MIPOL1: variants seen among roughly 807,000 people sequenced by gnomAD.
The protein encoded by MIPOL1 is mirror-image polydactyly 1.
MIPOL1 carries 57 observed loss-of-function variants against 60.9 expected under a neutral mutation model. The observed-to-expected ratio is 0.94, with a 90% CI of 0.76 to 1.17. The LOEUF is 1.17. MIPOL1 is among the 50% of genes most tolerant of loss of function. The probability of loss-of-function intolerance (pLI) is 0.00; values close to 1 mark genes in which losing one functional copy is unlikely to be tolerated. For synonymous variants in MIPOL1, 179 were observed against 168.8 expected (o/e 1.06, Z -0.47); for missense variants, 551 against 511.6 (o/e 1.08, Z -0.74).
intron 11 of MIPOL1, among the ~76,000 whole-genome samples, chr14:37,485,218 T>C (rs890785785): frequency 1.3e-5 from 2 of 152,228 alleles, no homozygotes; most frequent in Admixed American, 1.3e-4. Context: ...ACATTTTCTT[T>C]ATCCAGTCTA....
chr14:37,237,320 G>T (rs944418792), intron 1 of MIPOL1, among the ~76,000 whole-genome samples: 2 of 152,200 alleles, frequency 1.3e-5, no homozygotes, highest in Non-Finnish European at 1.5e-5. Context: ...TAGAGGGAGG[G>T]AACTGCTTCA....
chr14:37,480,645 A>C (rs538613919), intron 11 of MIPOL1, among the ~76,000 whole-genome samples: 82 of 152,292 alleles, frequency 5.4e-4, no homozygotes, highest in African/African-American at 1.9e-3. Context: ...AAGATCTGGG[A>C]TCAGACAAGG....
downstream of MIPOL1, chr14:37,551,653 A>G (rs2095561854): frequency 6.6e-6 from 1 of 151,838 alleles, no homozygotes; most frequent in Admixed American, 6.6e-5. Context: ...CGGGCGGATC[A>G]CAAGGTCAGG....
chr14:37,439,245 T>A (rs2094206329), intron 11 of MIPOL1, among the ~76,000 whole-genome samples: 1 of 152,178 alleles, frequency 6.6e-6, no homozygotes, highest in East Asian at 1.9e-4. Flanking sequence ...TTCACAAGAT[T>A]TTATGGAATA....
chr14:37,248,638 A>G (rs146242024), intron 3 of MIPOL1, among the ~76,000 whole-genome samples: 4 of 152,016 alleles, frequency 2.6e-5, no homozygotes, highest in Non-Finnish European at 2.9e-5. Context: ...ATATCTATAT[A>G]TATATCTCTC....
intron 11 of MIPOL1, among the ~76,000 whole-genome samples, chr14:37,498,829 T>G (rs1396525917): frequency 6.6e-6 from 1 of 152,110 alleles, no homozygotes; most frequent in African/African-American, 2.4e-5. Flanking sequence ...CTGTAAAGGC[T>G]TATAGATAAC....
intron 7 of MIPOL1, among the ~76,000 whole-genome samples, chr14:37,296,803 G>A (rs1310882433): frequency 6.6e-6 from 1 of 152,122 alleles, no homozygotes; most frequent in Non-Finnish European, 1.5e-5. Context: ...TGAAATTGAG[G>A]CAATAATTAA....
At chr14:37,504,959 A>T (rs2095261285) in intron 12 of MIPOL1, 1 of 152,218 alleles carries the variant, frequency 6.6e-6, no homozygotes, top group African/African-American at 2.4e-5. Context: ...CTACCATCAG[A>T]TAATACTATA....
chr14:37,293,476 C>T (rs2085294182), intron 7 of MIPOL1, among the ~76,000 whole-genome samples: 1 of 152,086 alleles, frequency 6.6e-6, no homozygotes, highest in Admixed American at 6.6e-5. Flanking sequence ...ACAGTGGGTG[C>T]AGTGCACTGT....
chr14:37,490,789 A>G (rs1373023305), intron 11 of MIPOL1, among the ~76,000 whole-genome samples: 1 of 152,152 alleles, frequency 6.6e-6, no homozygotes, highest in Non-Finnish European at 1.5e-5. Context: ...CCCACTGTCC[A>G]GTCAGTCCCA....
At chr14:37,302,484 A>G (rs1166367303) in intron 7 of MIPOL1, among the ~76,000 whole-genome samples, 1 of 151,518 alleles carries the variant, frequency 6.6e-6, no homozygotes, top group African/African-American at 2.4e-5. Context: ...AGAGTTGTTT[A>G]TATTCTGGAT....
At chr14:37,538,381 T>G (rs1399778910) in intron 12 of MIPOL1, among the ~76,000 whole-genome samples, 1 of 152,200 alleles carries the variant, frequency 6.6e-6, no homozygotes, top group Non-Finnish European at 1.5e-5. Flanking sequence ...TCTCTATACT[T>G]TATCTTTGGT....
At chr14:37,517,946 C>A (rs2153629035) in intron 12 of MIPOL1, among the ~76,000 whole-genome samples, 1 of 152,110 alleles carries the variant, frequency 6.6e-6, no homozygotes, top group African/African-American at 2.4e-5. Flanking sequence ...CCATGTAAAT[C>A]TTTTACATAT....
At chr14:37,316,110 T>C (rs2087860758) in intron 9 of MIPOL1, among the ~76,000 whole-genome samples, 2 of 151,694 alleles carry the variant, frequency 1.3e-5, no homozygotes, top group Admixed American at 1.3e-4. Flanking sequence ...CACCGCAACC[T>C]CTCCCTCCTG....
chr14:37,524,590 T>G (rs1224576811), intron 12 of MIPOL1, among the ~76,000 whole-genome samples: 1 of 123,410 alleles, frequency 8.1e-6, no homozygotes, highest in Non-Finnish European at 1.6e-5. Context: ...TTTTTTGAGA[T>G]GGAGTCTCAT....
At chr14:37,545,697 CTT>C in intron 12 of MIPOL1, 1 of 652,102 alleles carries the variant, frequency 1.5e-6, no homozygotes, top group South Asian at 1.7e-5. Context: ...ATCCAATAAA[CTT>C]CAGCTAGTTT....
intron 11 of MIPOL1, among the ~76,000 whole-genome samples, chr14:37,481,871 A>G (rs1312204216): frequency 6.6e-6 from 1 of 152,126 alleles, no homozygotes; most frequent in Non-Finnish European, 1.5e-5. Flanking sequence ...TGCTTAGAAA[A>G]CTTGATATTT....
At chr14:37,386,523 A>G (rs1268425420) in intron 10 of MIPOL1, among the ~76,000 whole-genome samples, 1 of 151,952 alleles carries the variant, frequency 6.6e-6, no homozygotes, top group Admixed American at 6.6e-5. Flanking sequence ...CCTTTTGAGA[A>G]GCCAATGCAA....
At position 37,351,359 on chromosome 14, in the gene MIPOL1, C is replaced by T. The variant is rs753177981; in HGVS notation, c.829-18158C>T. Among the ~76,000 whole-genome samples the T allele has an allele frequency of 1.0e-2, 1,458 of 145,922 alleles. 10 individuals carry two copies. The highest frequency in any genetic ancestry group is 0.033 in the Middle Eastern group (9 of 276). ...GTCTTTGCTATTGTGAATAATGCCGCAATAAACATACGTGTGCATGTGTCT... is the reference window on the plus strand; with the variant it reads ...GTCTTTGCTATTGTGAATAATGCCGTAATAAACATACGTGTGCATGTGTCT... On this transcript the variant is annotated intron_variant, in intron 9 of 12. Transcript: ENST00000684589.
Sources: allele counts gnomAD v4.1 joint callset (sites outside exome capture counted in the v4.1 genomes callset), GRCh38; gene constraint gnomAD v4.1.1; transcripts MANE v1.5; gene names NCBI Gene and HGNC (gene_info 2026-07-23, HGNC 2026-07-21).